Variants in HCN2 observed in about 807,000 individuals in gnomAD.
HCN2 encodes the protein hyperpolarization activated cyclic nucleotide gated potassium and sodium channel 2.
Under a neutral mutation model 52.3 loss-of-function variants are expected in HCN2, and 20 were observed. That is an observed-to-expected ratio of 0.38 (90% CI 0.27 to 0.56). The LOEUF is 0.56. Ranked by LOEUF, HCN2 falls within the 20% of genes least tolerant of loss-of-function variation. The probability of loss-of-function intolerance (pLI) is 0.71; values close to 1 mark genes in which losing one functional copy is unlikely to be tolerated. For missense variants in HCN2, 981 were observed against 1,207.7 expected (o/e 0.81, Z 2.78); for synonymous variants, 694 against 537.0 (o/e 1.29, Z -4.04).
chr19:602,871 CCT>C (rs1230351144), intron 1 of HCN2, among the ~76,000 whole-genome samples: 1 of 151,012 alleles, frequency 6.6e-6, no homozygotes, highest in Non-Finnish European at 1.5e-5. Flanking sequence ...CGTTGGGCTC[CCT>C]CGGGGCTGGG....
chr19:599,547 A>C (rs1204859259), intron 1 of HCN2, among the ~76,000 whole-genome samples: 1 of 151,958 alleles, frequency 6.6e-6, no homozygotes, highest in African/African-American at 2.4e-5. Context: ...TAGGAGGCCA[A>C]GGCGGGCGGA....
rs2144500762 is a variant in HCN2 at position 591,290 on chromosome 19, G to T, written c.632+713G>T. The T allele has an allele frequency of 6.6e-6, 1 of 152,606 alleles. No individual in the cohort carries two copies. Among genetic ancestry groups the T allele is most frequent in the East Asian group, 1.9e-4 (1 of 5,166 alleles). The allele number at this position is 152,606 out of a possible 1,614,324, so 9.5% of individuals were successfully genotyped here. On this transcript the variant is annotated intron_variant, in intron 1 of 7. Transcript: ENST00000251287. This position sits in a 1 kb window ranked among gnomAD's most constrained non-coding sequence, Gnocchi z 4.1. ...GAGCGAGACCGGCGCGTGTCCCCGTGGGCTGTGTGTGAACAGGGGCCCGTG... is the reference window on the plus strand; with the variant it reads ...GAGCGAGACCGGCGCGTGTCCCCGTTGGCTGTGTGTGAACAGGGGCCCGTG...
At chr19:611,915 A>G (rs12463112) in intron 5 of HCN2, among the ~76,000 whole-genome samples, 79,586 of 151,984 alleles carry the variant, frequency 0.52, 22,186 homozygotes, top group Non-Finnish European at 0.63. Context: ...AGAGGCCGAG[A>G]CGGGCAGATC....
At chr19:599,702 GGT>G (rs1180864932) in intron 1 of HCN2, among the ~76,000 whole-genome samples, 1 of 152,042 alleles carries the variant, frequency 6.6e-6, no homozygotes, top group Non-Finnish European at 1.5e-5. Flanking sequence ...GCAAGAGAAT[GGT>G]GTGAACCCTG....
At position 616,317 on chromosome 19, in the gene HCN2, C is replaced by A; in HGVS notation, c.2513C>A (p.Thr838Lys). The change falls in exon 8 of 8, where the codon ACA (threonine) becomes AAA (lysine). Residue 838 changes from threonine to lysine, a missense_variant. By Grantham distance (78) the Thr-to-Lys change is moderately conservative. Around this residue, in one of 6 missense-constraint regions of HCN2, gnomAD observed 368 missense variants for 314.8 expected, o/e 1.17. Coordinates refer to ENST00000251287, the MANE Select transcript of HCN2 (RefSeq NM_001194.4). ...PHGAPGPAAS[T>K]RPASSSTPRL... Reference sequence around the variant, plus strand: ...GGCGCCCCCGGCCCCGCGGCCTCCACACGCCCGGCCAGCAGCTCCACACCG... The same window carrying A: ...GGCGCCCCCGGCCCCGCGGCCTCCAAACGCCCGGCCAGCAGCTCCACACCG... The A allele has an allele frequency of 8.7e-7, 1 of 1,150,556 alleles. No individual in the cohort carries two copies. The highest frequency in any genetic ancestry group is 3.9e-5 in the Admixed American group (1 of 25,962). 71.3% of individuals were successfully genotyped at this position (1,150,556 alleles called of 1,614,324 possible).
chr19:594,568 C>T (rs528377778), intron 1 of HCN2, among the ~76,000 whole-genome samples: 30 of 152,296 alleles, frequency 2.0e-4, no homozygotes, highest in East Asian at 3.9e-4. Flanking sequence ...CCAGGACAGG[C>T]GGCCCCTGGG....
chr19:598,656 C>T (rs1363101180), intron 1 of HCN2, among the ~76,000 whole-genome samples: 1 of 152,190 alleles, frequency 6.6e-6, no homozygotes, highest in African/African-American at 2.4e-5. Flanking sequence ...GGCTGGAGTG[C>T]GATGGCGCGA....
In HCN2 at chr19:591,324, G is replaced by A. The variant is rs998195540; in HGVS notation, c.632+747G>A. 6.6e-6 allele frequency: 1 copy of A among 152,362 alleles called. No homozygotes were observed. Among genetic ancestry groups the A allele is most frequent in the Non-Finnish European group, 1.5e-5 (1 of 68,150 alleles). The allele number at this position is 152,362 out of a possible 1,614,324, so 9.4% of individuals were successfully genotyped here. ...GTGAACAGGGGCCCGTGACCGCGGCGGGGTTCCCGGGGCGCGAGCCTGTGG... is the reference window on the plus strand; with the variant it reads ...GTGAACAGGGGCCCGTGACCGCGGCAGGGTTCCCGGGGCGCGAGCCTGTGG... On this transcript the variant is annotated intron_variant, in intron 1 of 7. Transcript: ENST00000251287. The surrounding 1 kb of genome is among the most constrained non-coding windows in gnomAD (Gnocchi z 4.1).
intron 3 of HCN2, among the ~76,000 whole-genome samples, chr19:606,294 T>C (rs1871078743): frequency 6.6e-6 from 1 of 151,504 alleles, no homozygotes; most frequent in East Asian, 2.0e-4. Flanking sequence ...AGAGACGGGG[T>C]CTCGCCATGT....
intron 1 of HCN2, among the ~76,000 whole-genome samples, chr19:602,407 G>A (rs1393918726): frequency 3.5e-5 from 5 of 144,014 alleles, no homozygotes; most frequent in Admixed American, 1.4e-4. Context: ...CTGCGTGGAC[G>A]CCCCACTTCC....
chr19:597,057 G>A (rs565793556), intron 1 of HCN2, among the ~76,000 whole-genome samples: 38 of 152,210 alleles, frequency 2.5e-4, no homozygotes, highest in Non-Finnish European at 4.1e-4. Context: ...GAGGGTTGCG[G>A]CCCCAAGCCC....
chr19:595,781 G>T (rs1260316140), intron 1 of HCN2, among the ~76,000 whole-genome samples: 2 of 152,162 alleles, frequency 1.3e-5, no homozygotes, highest in Non-Finnish European at 2.9e-5. Flanking sequence ...ACCTGCCACG[G>T]ATCTGGCCAT....
In HCN2 at chr19:603,778, G is replaced by A. The variant is rs762745859; in HGVS notation, c.867G>A (p.Thr289=). 5 of 1,612,818 alleles carry A rather than the reference G, an allele frequency of 3.1e-6. No homozygotes were observed. The highest frequency in any genetic ancestry group is 2.5e-6 in the Non-Finnish European group (3 of 1,179,828). The change falls in exon 2 of 8, where the codon ACG becomes ACA. Residue 289 remains threonine, a synonymous_variant. Coordinates refer to ENST00000251287, the MANE Select transcript of HCN2 (RefSeq NM_001194.4). ...AGATCAAGAAGAAGTATCTGCGCAC[G>A]TGGTTCGTGGTGGACTTCGTGTCCT... ...PEKIKKKYLR[T]WFVVDFVSSI...
chr19:599,878 G>GTGTGTGTGTGTGTGTGTT (rs1167918835), intron 1 of HCN2, among the ~76,000 whole-genome samples: 30 of 151,352 alleles, frequency 2.0e-4, no homozygotes, highest in Non-Finnish European at 4.0e-4. Flanking sequence ...GTGTGTGTGT[G>GTGTGTGTGTGTGTGTGTT]TGTGTGTGTG....
intron 2 of HCN2, among the ~76,000 whole-genome samples, chr19:604,447 A>G (rs899819974): frequency 3.9e-5 from 5 of 129,062 alleles, no homozygotes; most frequent in Non-Finnish European, 6.4e-5. Flanking sequence ...GGGCAGGGCT[A>G]TGATGCTGCT....
At chr19:598,196 C>T (rs1432480914) in intron 1 of HCN2, among the ~76,000 whole-genome samples, 1 of 152,206 alleles carries the variant, frequency 6.6e-6, no homozygotes, top group East Asian at 1.9e-4. Context: ...CCTGAGCCCT[C>T]ATGTCCTGTC....
rs1013962467 is a variant in HCN2, at chr19:591,669, T to C, written c.632+1092T>C. Among the ~76,000 whole-genome samples, 8 of 151,446 alleles carry C rather than the reference T, an allele frequency of 5.3e-5. No homozygotes were observed. The highest frequency in any genetic ancestry group is 1.0e-4 in the Non-Finnish European group (7 of 67,796). On this transcript the variant is annotated intron_variant, in intron 1 of 7. Transcript: ENST00000251287. The surrounding 1 kb of genome is among the most constrained non-coding windows in gnomAD (Gnocchi z 4.1). The stretch of plus-strand genomic sequence containing the variant: ...GGCCGGGCGCGCGGGACGGGCGCGG[T>C]TTCAGCACCACGGACAGCGCGCCGG...
At chr19:601,927 T>C (rs1305519978) in intron 1 of HCN2, among the ~76,000 whole-genome samples, 1 of 152,048 alleles carries the variant, frequency 6.6e-6, no homozygotes, top group Non-Finnish European at 1.5e-5. Flanking sequence ...GCCGGGTGTA[T>C]CTGGGAGTGG....
intron 4 of HCN2, among the ~76,000 whole-genome samples, chr19:609,889 GAC>G (rs1183293522): frequency 6.6e-6 from 1 of 151,962 alleles, no homozygotes; most frequent in Non-Finnish European, 1.5e-5. Context: ...CACAGAGCGA[GAC>G]AGTGTCTCAG....
Sources: allele counts gnomAD v4.1 joint callset (sites outside exome capture counted in the v4.1 genomes callset), GRCh38; gene constraint gnomAD v4.1.1; regional missense constraint gnomAD v4.1.1; non-coding constraint Gnocchi (gnomAD v3.1); transcripts MANE v1.5; gene names NCBI Gene and HGNC (gene_info 2026-07-23, HGNC 2026-07-21).